CADM2: variants seen among roughly 807,000 people sequenced by gnomAD.
The protein encoded by CADM2 is immunoglobulin superfamily member 4D.
A neutral mutation model predicts 49.8 loss-of-function variants in CADM2; 12 were observed. That is an observed-to-expected ratio of 0.24 (90% CI 0.15 to 0.39). The LOEUF is 0.39. Ranked by LOEUF, CADM2 falls within the 10% of genes least tolerant of loss-of-function variation. The probability of loss-of-function intolerance (pLI) is 1.00; values close to 1 mark genes in which losing one functional copy is unlikely to be tolerated. For missense variants in CADM2, 378 were observed against 492.3 expected, an observed-to-expected ratio of 0.77 and a Z score of 2.20; for synonymous variants, 214 against 175.4, an observed-to-expected ratio of 1.22 and a Z score of -1.74.
rs191775123 is a variant in CADM2 at position 84,974,647 on chromosome 3, G to A, written c.61+14979G>A. ...AGTGCATTAAGTAAGGCATAGCTTT[G>A]GTTTCCTAGTGGTATTATGTTTTAC... On this transcript the variant is annotated intron_variant, in intron 1 of 9. Transcript: ENST00000383699. 2.6e-5 allele frequency among the ~76,000 whole-genome samples: 4 copies of A among 151,856 alleles called. No homozygotes were observed. In the East Asian group the frequency reaches 7.7e-4, roughly 29 times the overall value.
At chr3:86,057,855 A>G (rs1220701498) in intron 8 of CADM2, among the ~76,000 whole-genome samples, 1 of 152,172 alleles carries the variant, frequency 6.6e-6, no homozygotes, top group Non-Finnish European at 1.5e-5. Flanking sequence ...AATACAGACT[A>G]TGTGGAAAAA....
At chr3:85,889,447 T>G (rs1249935761) in intron 5 of CADM2, among the ~76,000 whole-genome samples, 1 of 152,180 alleles carries the variant, frequency 6.6e-6, no homozygotes, top group African/African-American at 2.4e-5. Context: ...CCTGAAAATG[T>G]GCGTGTTTGC....
At chr3:85,109,008 T>C (rs2038352832) in intron 1 of CADM2, among the ~76,000 whole-genome samples, 2 of 152,108 alleles carry the variant, frequency 1.3e-5, no homozygotes. Flanking sequence ...TATATTAATC[T>C]GGACAGTTGC....
At chr3:85,551,152 T>A (rs908297816) in intron 1 of CADM2, among the ~76,000 whole-genome samples, 1 of 152,042 alleles carries the variant, frequency 6.6e-6, no homozygotes, top group African/African-American at 2.4e-5. Flanking sequence ...CTCAGTTGAT[T>A]TTTTATTTTT....
intron 3 of CADM2, among the ~76,000 whole-genome samples, chr3:85,830,591 C>A (rs995145797): frequency 2.0e-5 from 3 of 151,728 alleles, no homozygotes; most frequent in Non-Finnish European, 2.9e-5. Context: ...TCAAAATATT[C>A]ATTATGAATA....
intron 1 of CADM2, among the ~76,000 whole-genome samples, chr3:85,726,129 T>C (rs184484276): frequency 2.3e-4 from 35 of 152,180 alleles, no homozygotes; most frequent in African/African-American, 8.2e-4. Context: ...CCTGCTTTTC[T>C]AGTTACTCAA....
chr3:85,855,770 G>A (rs2075294396), intron 3 of CADM2, among the ~76,000 whole-genome samples: 1 of 151,450 alleles, frequency 6.6e-6, no homozygotes, highest in South Asian at 2.1e-4. Flanking sequence ...GGGACTACAG[G>A]TGCCTGCCAC....
intron 1 of CADM2, among the ~76,000 whole-genome samples, chr3:85,368,793 T>C (rs965219305): frequency 2.0e-5 from 3 of 152,106 alleles, no homozygotes; most frequent in Non-Finnish European, 2.9e-5. Context: ...GAAAAGAGAA[T>C]GTCATCACTC....
At chr3:85,797,860 A>G (rs2071722144) in intron 2 of CADM2, among the ~76,000 whole-genome samples, 1 of 152,078 alleles carries the variant, frequency 6.6e-6, no homozygotes, top group Non-Finnish European at 1.5e-5. Flanking sequence ...GGTTGAGCTA[A>G]TTTCTACTCC....
chr3:85,339,278 T>C (rs2045176080), intron 1 of CADM2, among the ~76,000 whole-genome samples: 1 of 151,458 alleles, frequency 6.6e-6, no homozygotes, highest in African/African-American at 2.4e-5. Context: ...TGTGTTTAAA[T>C]AATAAAAGTA....
chr3:85,159,417 A>T (rs12487792), intron 1 of CADM2, among the ~76,000 whole-genome samples: 33,964 of 152,142 alleles, frequency 0.22, 6,421 homozygotes, highest in African/African-American at 0.52. Context: ...TTAGGGTTGT[A>T]GACTGGTCCA....
chr3:85,126,523 A>G (rs531731474), intron 1 of CADM2, among the ~76,000 whole-genome samples: 1 of 152,278 alleles, frequency 6.6e-6, no homozygotes, highest in South Asian at 2.1e-4. Context: ...TATGTTTTAA[A>G]AAATATTTTG....
intron 1 of CADM2, among the ~76,000 whole-genome samples, chr3:85,145,580 T>C (rs779918368): frequency 3.9e-4 from 59 of 152,118 alleles, no homozygotes; most frequent in Admixed American, 7.9e-4. Context: ...GGTGATATAA[T>C]CAAATAAAGT....
intron 3 of CADM2, among the ~76,000 whole-genome samples, chr3:85,859,533 A>T (rs1459671900): frequency 6.6e-6 from 1 of 152,060 alleles, no homozygotes; most frequent in East Asian, 1.9e-4. Context: ...TGCCTGGCCC[A>T]TCCTGTGCTT....
At chr3:85,565,884 CT>C (rs75142626) in intron 1 of CADM2, among the ~76,000 whole-genome samples, 77,414 of 150,482 alleles carry the variant, frequency 0.51, 22,830 homozygotes, top group East Asian at 0.85. Context: ...TTAACTTACA[CT>C]TTTTTTTTTG....
At chr3:85,723,164 T>G (rs1414253103) in intron 1 of CADM2, among the ~76,000 whole-genome samples, 2 of 152,130 alleles carry the variant, frequency 1.3e-5, no homozygotes, top group Non-Finnish European at 2.9e-5. Context: ...TTCTCACCAT[T>G]TACAATTTTA....
At chr3:85,763,173 A>G (rs2069477867) in intron 2 of CADM2, among the ~76,000 whole-genome samples, 1 of 152,178 alleles carries the variant, frequency 6.6e-6, no homozygotes, top group Non-Finnish European at 1.5e-5. Flanking sequence ...GACAGTTTGG[A>G]TGGAGAGCAA....
At chr3:85,827,141 T>C (rs1289471340) in intron 3 of CADM2, among the ~76,000 whole-genome samples, 1 of 151,936 alleles carries the variant, frequency 6.6e-6, no homozygotes, top group East Asian at 1.9e-4. Flanking sequence ...GAGAGGGTAT[T>C]AAGAAAATCA....
intron 1 of CADM2, among the ~76,000 whole-genome samples, chr3:85,474,739 A>G (rs1045930908): frequency 5.9e-5 from 9 of 151,960 alleles, no homozygotes; most frequent in Non-Finnish European, 8.8e-5. Context: ...TGTTATACAA[A>G]TTTAATGACT....
Sources: allele counts gnomAD v4.1 joint callset (sites outside exome capture counted in the v4.1 genomes callset), GRCh38; gene constraint gnomAD v4.1.1; transcripts MANE v1.5; gene names NCBI Gene and HGNC (gene_info 2026-07-23, HGNC 2026-07-21).